Variants in CPXM1 observed in about 807,000 individuals in gnomAD.
The protein encoded by CPXM1 is carboxypeptidase X, M14 family member 1.
Under a neutral mutation model 80.4 loss-of-function variants are expected in CPXM1, and 72 were observed. That is an observed-to-expected ratio of 0.90 (90% CI 0.74 to 1.09). The LOEUF is 1.09. Ranked by LOEUF, CPXM1 falls within the 50% of genes least tolerant of loss-of-function variation. The pLI is 0.00. For missense variants in CPXM1, 892 were observed against 999.4 expected (o/e 0.89, Z 1.45); for synonymous variants, 403 against 405.6 (o/e 0.99, Z 0.08).
chr20:2,798,910 C>T lies in CPXM1; in HGVS notation c.173-17G>A. ...CTGAGGTCCCTTGGGGTCCGAGAGGCACAGCATGGGGGAAAGGAAGAATGG... is the reference window on the plus strand; with the variant it reads ...CTGAGGTCCCTTGGGGTCCGAGAGGTACAGCATGGGGGAAAGGAAGAATGG... On this transcript the variant is annotated splice_polypyrimidine_tract_variant and intron_variant, in intron 1 of 13. Transcript: ENST00000380605. 2 of 1,609,890 alleles carry T rather than the reference C, an allele frequency of 1.2e-6. No homozygotes were observed. Among genetic ancestry groups the T allele is most frequent in the East Asian group, 2.2e-5 (1 of 44,792 alleles).
chr20:2,797,236 C>G lies in CPXM1; in HGVS notation c.788G>C (p.Gly263Ala), dbSNP rs1254363978. ...GATCTCTGCCCGGAGGCAAGGCGCGCCTCCCTGGAGCCAGGTCTGGGGCAG... is the reference window on the plus strand; with the variant it reads ...GATCTCTGCCCGGAGGCAAGGCGCGGCTCCCTGGAGCCAGGTCTGGGGCAG... ...RLLPQTWLQGGAPCLRAEILA... is the reference protein window; with the variant it reads ...RLLPQTWLQGAAPCLRAEILA... The change falls in exon 6 of 14, where the codon GGC becomes GCC. Residue 263 changes from glycine to alanine, a missense_variant. Gly to Ala is a moderately conservative substitution (Grantham distance 60). Coordinates refer to ENST00000380605, the MANE Select transcript of CPXM1 (RefSeq NM_019609.5). The G allele has an allele frequency of 1.8e-5, 29 of 1,572,084 alleles. No individual in the cohort carries two copies. The highest frequency in any genetic ancestry group is 2.5e-5 in the Non-Finnish European group (29 of 1,155,690).
Position 2,800,520 on chromosome 20 carries a change from G to T in CPXM1, c.53C>A (p.Ala18Asp). ...LAAFAPAVGP[A>D]LGAPRNSVLG... Reference sequence around the variant, plus strand: ...CACCGAGTTCCTGGGCGCCCCCAGAGCCGGGCCGACGGCCGGCGCGAAGGC... The same window carrying T: ...CACCGAGTTCCTGGGCGCCCCCAGATCCGGGCCGACGGCCGGCGCGAAGGC... Residue 18 changes from alanine to aspartate, a missense_variant, in exon 1 of 14, where the codon GCT (alanine) becomes GAT (aspartate). Physicochemically the swap from Ala to Asp is moderately radical, Grantham distance 126. Coordinates refer to ENST00000380605, the MANE Select transcript of CPXM1 (RefSeq NM_019609.5). 1 of 1,364,474 alleles carries T rather than the reference G, an allele frequency of 7.3e-7. No individual in the cohort carries two copies. Among genetic ancestry groups the T allele is most frequent in the Non-Finnish European group, 9.4e-7 (1 of 1,065,038 alleles). 84.5% of individuals were successfully genotyped at this position (1,364,474 alleles called of 1,614,324 possible).
chr20:2,795,421 G>C lies in CPXM1; in HGVS notation c.1721-5C>G. On this transcript the variant is annotated splice_polypyrimidine_tract_variant and splice_region_variant and intron_variant, in intron 11 of 13. Coordinates refer to ENST00000380605, the MANE Select transcript of CPXM1 (RefSeq NM_019609.5). This position sits in a 1 kb window ranked among gnomAD's most constrained non-coding sequence, Gnocchi z 5.4. ...GGTAGCTGAAGTCATTCATGCCTAA[G>C]GGGACCACAGACACTGCTGCCTAAG... The C allele has an allele frequency of 6.2e-7, 1 of 1,613,046 alleles. No individual in the cohort carries two copies. Among genetic ancestry groups the C allele is most frequent in the Non-Finnish European group, 8.5e-7 (1 of 1,179,128 alleles).
chr20:2,795,619 T>G lies in CPXM1; in HGVS notation c.1700A>C (p.Asp567Ala). 6.2e-7 allele frequency: 1 copy of G among 1,613,748 alleles called. No individual in the cohort carries two copies. The highest frequency in any genetic ancestry group is 8.5e-7 in the Non-Finnish European group (1 of 1,179,726). The change falls in exon 11 of 14, where the codon GAC becomes GCC. Residue 567 changes from aspartate (D) to alanine (A), a missense_variant. Transcript: ENST00000380605. The surrounding 1 kb of genome is among the most constrained non-coding windows in gnomAD (Gnocchi z 5.4). ...SVHGNIINGA[D>A]WHTVPGSMND... is the part of the protein sequence containing the mutation. ...CATACTCCCGGGGACCGTGTGCCAG[T>G]CAGCCCCGTTGATGATGTTGCCGTG...
At position 2,794,167 on chromosome 20, in the gene CPXM1, C is replaced by A; in HGVS notation, c.*23G>T. 1 of 1,594,706 alleles carries A rather than the reference C, an allele frequency of 6.3e-7. No individual in the cohort carries two copies. The highest frequency in any genetic ancestry group is 8.5e-7 in the Non-Finnish European group (1 of 1,170,600). ...CCCGTCTTGACAGGTCCAGCCTGCC[C>A]TAGGGCTCTTAAACCGCAGGTATCA... On this transcript the variant is annotated 3_prime_UTR_variant, in exon 14 of 14. Coordinates refer to ENST00000380605, the MANE Select transcript of CPXM1 (RefSeq NM_019609.5). The surrounding 1 kb of genome is among the most constrained non-coding windows in gnomAD (Gnocchi z 5.2).
intron 1 of CPXM1, 103 bp downstream of exon 1, chr20:2,800,298 G>C: frequency 9.5e-7 from 1 of 1,050,792 alleles, no homozygotes; most frequent in Admixed American, 3.7e-5. Context: ...GTGAGTGTGC[G>C]TGGGTGTGCG....
At chr20:2,798,600 C>A in intron 2 of CPXM1, 63 bp from the exon 3 acceptor site, 1 of 1,562,782 alleles carries the variant, frequency 6.4e-7, no homozygotes, top group Non-Finnish European at 8.8e-7. Context: ...AGGTGGGAAG[C>A]TGAGCCTAAG....
chr20:2,795,921 C>T lies in CPXM1; in HGVS notation c.1423-25G>A, dbSNP rs1220673406. On this transcript the variant is annotated intron_variant, in intron 10 of 13. Coordinates refer to ENST00000380605, the MANE Select transcript of CPXM1 (RefSeq NM_019609.5). This position sits in a 1 kb window ranked among gnomAD's most constrained non-coding sequence, Gnocchi z 5.4. ...CCTGGATGGGGCAGGTCAGGAGGGG[C>T]AGGAGACAGAGACAAGGTCCGCCCC... 1 of 1,604,196 alleles carries T rather than the reference C, an allele frequency of 6.2e-7. No homozygotes were observed. Among genetic ancestry groups the T allele is most frequent in the African/African-American group, 1.3e-5 (1 of 74,882 alleles).
At chr20:2,799,195 A>G (rs1383379064) in intron 1 of CPXM1, among the ~76,000 whole-genome samples, 2 of 152,144 alleles carry the variant, frequency 1.3e-5, no homozygotes, top group African/African-American at 4.8e-5. Context: ...CAAAGAGCTG[A>G]GTCTGGCACT....
rs750246583 is a variant in CPXM1, at chr20:2,797,169, C to G, written c.832+23G>C. 7 of 1,605,590 alleles carry G rather than the reference C, an allele frequency of 4.4e-6. No individual in the cohort carries two copies. In the African/African-American group the frequency reaches 8.0e-5, roughly 18 times the overall value. Reference sequence around the variant, plus strand: ...CACCCTGCATCCAAGCCCTGCCCAACCAACCCTGGCCTGACTGCCCACCTG... The same window carrying G: ...CACCCTGCATCCAAGCCCTGCCCAAGCAACCCTGGCCTGACTGCCCACCTG... On this transcript the variant is annotated intron_variant, in intron 6 of 13. Coordinates refer to ENST00000380605, the MANE Select transcript of CPXM1 (RefSeq NM_019609.5).
rs747926278 is a variant in CPXM1 at position 2,796,641 on chromosome 20, G to C, written c.931C>G (p.Gln311Glu). 2 of 1,613,974 alleles carry C rather than the reference G, an allele frequency of 1.2e-6. No individual in the cohort carries two copies. Among genetic ancestry groups the C allele is most frequent in the Non-Finnish European group, 8.5e-7 (1 of 1,179,988 alleles). Residue 311 changes from glutamine (Q) to glutamate (E), a missense_variant, in exon 8 of 14, where the codon CAG becomes GAG. By Grantham distance (29) the Gln-to-Glu change is conservative (BLOSUM62 2). This residue lies in a region of CPXM1 where 874 missense variants were observed against 958.4 expected (regional missense o/e 0.91). Transcript: ENST00000380605. This position sits in a 1 kb window ranked among gnomAD's most constrained non-coding sequence, Gnocchi z 6.8. ...NYKAMRKLMK[Q>E]VQEQCPNITR... Reference sequence around the variant, plus strand: ...ATGTTGGGGCATTGCTCTTGTACCTGCTTCATCAGCTGGTGGGCAGAGTGT... The same window carrying C: ...ATGTTGGGGCATTGCTCTTGTACCTCCTTCATCAGCTGGTGGGCAGAGTGT...
Position 2,795,773 on chromosome 20 carries a change from C to T in CPXM1, c.1546G>A (p.Ala516Thr). Residue 516 changes from alanine (A) to threonine (T), a missense_variant, in exon 11 of 14, where the codon GCT (alanine) becomes ACT (threonine). Physicochemically the swap from Ala to Thr is moderately conservative, Grantham distance 58. This residue lies in a region of CPXM1 where 874 missense variants were observed against 958.4 expected (regional missense o/e 0.91). Transcript: ENST00000380605. This position sits in a 1 kb window ranked among gnomAD's most constrained non-coding sequence, Gnocchi z 5.4. Reference sequence around the variant, plus strand: ...GGTGTGGGCGTGAGCTCGCGGGCAGCCCACGGGGTGCGAGTCATGTCGAAT... The same window carrying T: ...GGTGTGGGCGTGAGCTCGCGGGCAGTCCACGGGGTGCGAGTCATGTCGAAT... Reference protein sequence around the residue: ...YPFDMTRTPWAARELTPTPDD... With the variant: ...YPFDMTRTPWTARELTPTPDD... 6.2e-7 allele frequency: 1 copy of T among 1,613,058 alleles called. No homozygotes were observed. Among genetic ancestry groups the T allele is most frequent in the Non-Finnish European group, 8.5e-7 (1 of 1,180,024 alleles).
Position 2,795,241 on chromosome 20 carries a change from A to G in CPXM1, c.1860+36T>C. 1.9e-6 allele frequency: 3 copies of G among 1,605,412 alleles called. No individual in the cohort carries two copies. Among genetic ancestry groups the G allele is most frequent in the Non-Finnish European group, 2.6e-6 (3 of 1,175,440 alleles). ...GTAGCCTAAATGGACAGCAGGAGTGATTCAGGCAGGCTGGGGGCCGGGACG... is the reference window on the plus strand; with the variant it reads ...GTAGCCTAAATGGACAGCAGGAGTGGTTCAGGCAGGCTGGGGGCCGGGACG... On this transcript the variant is annotated intron_variant, in intron 12 of 13. Coordinates refer to ENST00000380605, the MANE Select transcript of CPXM1 (RefSeq NM_019609.5). The surrounding 1 kb of genome is among the most constrained non-coding windows in gnomAD (Gnocchi z 5.4).
chr20:2,798,362 G>C, intron 3 of CPXM1, 66 bp downstream of exon 3: 1 of 1,603,336 alleles, frequency 6.2e-7, no homozygotes, highest in Non-Finnish European at 8.5e-7. Context: ...AGAGGAGGCA[G>C]GAGAGAAGCT....
chr20:2,797,167 A>G, intron 6 of CPXM1, 25 bp downstream of exon 6: 1 of 1,609,104 alleles, frequency 6.2e-7, no homozygotes, highest in Non-Finnish European at 8.5e-7. Context: ...AGCCCTGCCC[A>G]ACCAACCCTG....
In CPXM1 at chr20:2,798,972, G is replaced by A. The variant is rs555510147; in HGVS notation, c.173-79C>T. ...ATGGAAAGGTCTGCCAGCCCAAGAAGACATGTGAGCCCACAGCAGGCCACA... is the reference window on the plus strand; with the variant it reads ...ATGGAAAGGTCTGCCAGCCCAAGAAAACATGTGAGCCCACAGCAGGCCACA... On this transcript the variant is annotated intron_variant, in intron 1 of 13. Transcript: ENST00000380605. 72 of 1,458,186 alleles carry A rather than the reference G, an allele frequency of 4.9e-5. No individual in the cohort carries two copies. The African/African-American group carries it at 8.5e-4, about 17-fold the overall frequency. The allele number at this position is 1,458,186 out of a possible 1,614,324, so 90.3% of individuals were successfully genotyped here. A position where few individuals can be genotyped will look rare whatever the true frequency, so the allele number is the denominator to read the frequency against.
At position 2,795,821 on chromosome 20, in the gene CPXM1, C is replaced by T. The variant is rs1357907352; in HGVS notation, c.1498G>A (p.Gly500Ser). The T allele has an allele frequency of 1.9e-6, 3 of 1,611,772 alleles. No homozygotes were observed. In the African/African-American group the frequency reaches 4.0e-5, roughly 22 times the overall value. ...AATGGGTAGGACACCACGAGCTCAC[C>T]CCCGTGGAGGTTGGCACTTAGCACA... ...PFVLSANLHG[G>S]ELVVSYPFDM... Residue 500 changes from glycine to serine, a missense_variant, in exon 11 of 14, where the codon GGT becomes AGT. By Grantham distance (56) the Gly-to-Ser change is moderately conservative. Around this residue, in one of 2 missense-constraint regions of CPXM1, gnomAD observed 874 missense variants for 958.4 expected, o/e 0.91. Transcript: ENST00000380605. This position sits in a 1 kb window ranked among gnomAD's most constrained non-coding sequence, Gnocchi z 5.4.
rs2088502667 is a variant in CPXM1, at chr20:2,795,959, A to G, written c.1422+23T>C. 1.2e-6 allele frequency: 2 copies of G among 1,600,342 alleles called. No individual in the cohort carries two copies. Among genetic ancestry groups the G allele is most frequent in the Admixed American group, 1.7e-5 (1 of 59,566 alleles). ...CAAGGTCCGCCCCCCACAGACCTCC[A>G]CTGCCGCCCTCAAAATACTCACGGT... On this transcript the variant is annotated intron_variant, in intron 10 of 13. Coordinates refer to ENST00000380605, the MANE Select transcript of CPXM1 (RefSeq NM_019609.5). The surrounding 1 kb of genome is among the most constrained non-coding windows in gnomAD (Gnocchi z 5.4).
chr20:2,798,985 A>G (rs2088540550), intron 1 of CPXM1, 92 bp from the exon 2 acceptor site: 1 of 1,275,956 alleles, frequency 7.8e-7, no homozygotes, highest in South Asian at 1.4e-5. Context: ...ATGTGAGCCC[A>G]CAGCAGGCCA....
Sources: gnomAD v4.1 joint callset for allele counts (sites outside exome capture counted in the v4.1 genomes callset) on GRCh38, gnomAD v4.1.1 for gene constraint, gnomAD v4.1.1 regional missense constraint, Gnocchi (gnomAD v3.1) non-coding constraint, MANE v1.5 for transcripts, NCBI Gene and HGNC (gene_info 2026-07-23, HGNC 2026-07-21) for gene names.